Variants in CSMD3 observed in about 807,000 individuals in gnomAD.
CSMD3 encodes CUB and Sushi multiple domains 3.
A neutral mutation model predicts 435.2 loss-of-function variants in CSMD3; 177 were observed. The ratio of observed to expected loss-of-function variants is 0.41; its 90% confidence interval spans 0.36 to 0.46. The LOEUF is 0.46. Among genes scored for constraint, CSMD3 ranks in the 20% least tolerant of loss-of-function variants. The pLI is 0.34. For missense variants in CSMD3, 4,265 were observed against 4,504.6 expected (o/e 0.95, Z 1.52); for synonymous variants, 1,656 against 1,520.5 (o/e 1.09, Z -2.07).
At chr8:112,268,400 T>C (rs1007652350) in intron 59 of CSMD3, among the ~76,000 whole-genome samples, 4 of 152,206 alleles carry the variant, frequency 2.6e-5, no homozygotes, top group Non-Finnish European at 4.4e-5. Context: ...TAAAACATAA[T>C]TGTGGTAATT....
At chr8:112,253,555 T>C (rs966641461) in intron 63 of CSMD3, among the ~76,000 whole-genome samples, 1 of 151,938 alleles carries the variant, frequency 6.6e-6, no homozygotes, top group Admixed American at 6.6e-5. Flanking sequence ...CACAGGGCAA[T>C]TGGGTAATGT....
At chr8:113,168,042 A>G (rs1020229792) in intron 4 of CSMD3, among the ~76,000 whole-genome samples, 2 of 152,006 alleles carry the variant, frequency 1.3e-5, no homozygotes, top group Non-Finnish European at 2.9e-5. Flanking sequence ...CTTTTAATAC[A>G]TGGTTCATGA....
intron 9 of CSMD3, among the ~76,000 whole-genome samples, chr8:112,938,676 A>T (rs1034516135): frequency 6.6e-6 from 1 of 152,172 alleles, no homozygotes; most frequent in African/African-American, 2.4e-5. Context: ...AATACACACC[A>T]CACGACTGAA....
rs371805380 is a variant in CSMD3 at position 112,997,649 on chromosome 8, A to G, written c.1030+21418T>C. 1.5e-4 allele frequency among the ~76,000 whole-genome samples: 23 copies of G among 151,666 alleles called. 1 individual carries two copies. The South Asian group carries it at 4.2e-3, about 27-fold the overall frequency. On this transcript the variant is annotated intron_variant, in intron 6 of 70. Transcript: ENST00000297405. ...TATCAGTTGACATTTTCACAGGCTA[A>G]ACCCTCTTCAAAACTAATTAATTGA...
chr8:113,198,593 G>GT (rs537049656), intron 3 of CSMD3, among the ~76,000 whole-genome samples: 82 of 148,452 alleles, frequency 5.5e-4, no homozygotes, highest in East Asian at 1.8e-3. Context: ...TTTTGTTTTT[G>GT]TTTTTTTTTA....
intron 4 of CSMD3, among the ~76,000 whole-genome samples, chr8:113,105,477 T>C (rs1288061132): frequency 6.6e-6 from 1 of 152,126 alleles, no homozygotes; most frequent in Non-Finnish European, 1.5e-5. Context: ...AAGATTTACA[T>C]TAGATTCTCT....
chr8:112,290,837 T>C (rs908750468), intron 56 of CSMD3, among the ~76,000 whole-genome samples: 1 of 152,022 alleles, frequency 6.6e-6, no homozygotes, highest in Non-Finnish European at 1.5e-5. Context: ...ATCAATTGAC[T>C]GAATTGCTAG....
At chr8:112,410,123 G>T (rs985327664) in intron 32 of CSMD3, among the ~76,000 whole-genome samples, 2 of 151,706 alleles carry the variant, frequency 1.3e-5, no homozygotes, top group Non-Finnish European at 2.9e-5. Context: ...TTGAAACATG[G>T]TTACTTTTGC....
intron 53 of CSMD3, among the ~76,000 whole-genome samples, chr8:112,298,801 T>G (rs1820593357): frequency 6.6e-6 from 1 of 152,130 alleles, no homozygotes; most frequent in Non-Finnish European, 1.5e-5. Context: ...AAAAGAAAGT[T>G]GGCTATACCA....
At chr8:113,158,350 A>G (rs1436200262) in intron 4 of CSMD3, among the ~76,000 whole-genome samples, 1 of 152,102 alleles carries the variant, frequency 6.6e-6, no homozygotes. Context: ...TCCTCCATGC[A>G]TGTATGATAA....
At chr8:112,367,764 C>T (rs1393401403) in intron 38 of CSMD3, among the ~76,000 whole-genome samples, 1 of 152,122 alleles carries the variant, frequency 6.6e-6, no homozygotes, top group East Asian at 1.9e-4. Flanking sequence ...AAATTCAAAA[C>T]TTTTGTTACT....
rs1210077534 is a variant in CSMD3, at chr8:112,656,508, T to C, written c.2817-167A>G. Among the ~76,000 whole-genome samples the C allele has an allele frequency of 3.9e-5, 6 of 152,112 alleles. No homozygotes were observed. In the South Asian group the frequency reaches 1.0e-3, roughly 26 times the overall value. ...ATATCATTTAAGACACCATCATTTG[T>C]GAATGCCAAAGGTATAAGCTCTTAT... is the stretch of plus-strand genomic sequence containing the variant. On this transcript the variant is annotated intron_variant, in intron 17 of 70. Coordinates refer to ENST00000297405, the MANE Select transcript of CSMD3 (RefSeq NM_198123.2).
Position 113,137,620 on chromosome 8 carries a change from G to T in CSMD3, c.709+36102C>A, listed in dbSNP as rs182419788. 2.0e-4 allele frequency among the ~76,000 whole-genome samples: 30 copies of T among 151,678 alleles called. No individual in the cohort carries two copies. In the Admixed American group the frequency reaches 2.0e-3, roughly 10 times the overall value. ...CTTCCAAAGATGGCACCTTGTTACT[G>T]CATTCTCTATACAGGAGAAACATGT... On this transcript the variant is annotated intron_variant, in intron 4 of 70. Transcript: ENST00000297405.
At chr8:113,253,581 C>T (rs571882399) in intron 3 of CSMD3, among the ~76,000 whole-genome samples, 8 of 151,980 alleles carry the variant, frequency 5.3e-5, no homozygotes, top group Non-Finnish European at 8.8e-5. Context: ...GTGGCTCACG[C>T]TTGTAATCCC....
intron 59 of CSMD3, among the ~76,000 whole-genome samples, chr8:112,280,239 T>C (rs1375024397): frequency 1.3e-5 from 2 of 152,218 alleles, no homozygotes; most frequent in Non-Finnish European, 2.9e-5. Context: ...AGCAACATCC[T>C]CTCATGATAC....
chr8:112,964,705 G>A (rs2084354130), intron 7 of CSMD3, among the ~76,000 whole-genome samples: 1 of 151,620 alleles, frequency 6.6e-6, no homozygotes, highest in Non-Finnish European at 1.5e-5. Flanking sequence ...TAACATCTCT[G>A]GGCTCTGGAT....
At position 112,224,066 on chromosome 8, in the gene CSMD3, G is replaced by A. The variant is rs898162039; in HGVS notation, c.*705C>T. On this transcript the variant is annotated 3_prime_UTR_variant, in exon 71 of 71. Transcript: ENST00000297405. Reference sequence around the variant, plus strand: ...CCCCATAGCTCACTGAATAATACTGGTTACTCCATAATGGGGGAATTGGGA... The same window carrying A: ...CCCCATAGCTCACTGAATAATACTGATTACTCCATAATGGGGGAATTGGGA... 6 of 152,528 alleles carry A rather than the reference G, an allele frequency of 3.9e-5. No homozygotes were observed. Among genetic ancestry groups the A allele is most frequent in the African/African-American group, 1.2e-4 (5 of 41,418 alleles). The allele number at this position is 152,528 out of a possible 1,614,324, so 9.4% of individuals were successfully genotyped here. A position where few individuals can be genotyped will look rare whatever the true frequency, so the allele number is the denominator to read the frequency against.
chr8:112,793,363 A>G (rs1472757284), intron 13 of CSMD3, among the ~76,000 whole-genome samples: 1 of 151,686 alleles, frequency 6.6e-6, no homozygotes, highest in African/African-American at 2.4e-5. Flanking sequence ...TAACTCACAT[A>G]TAACTGTTCC....
At chr8:112,574,313 A>G (rs1020898560) in intron 23 of CSMD3, among the ~76,000 whole-genome samples, 1 of 151,964 alleles carries the variant, frequency 6.6e-6, no homozygotes, top group African/African-American at 2.4e-5. Flanking sequence ...TCAGGTCAGT[A>G]ATATAGATTC....
Sources: allele counts gnomAD v4.1 joint callset (sites outside exome capture counted in the v4.1 genomes callset), GRCh38; gene constraint gnomAD v4.1.1; transcripts MANE v1.5; gene names NCBI Gene and HGNC (gene_info 2026-07-23, HGNC 2026-07-21).